The following FRAS1 variants were observed in gnomAD, a reference collection of about 807,000 sequenced individuals.
FRAS1 encodes Fraser extracellular matrix complex subunit 1, also known as extracellular matrix organizing protein FRAS1.
Under a neutral mutation model 435.2 loss-of-function variants are expected in FRAS1, and 290 were observed. The ratio of observed to expected loss-of-function variants is 0.67; its 90% CI spans 0.61 to 0.73. The LOEUF (loss-of-function observed/expected upper bound fraction) is 0.73, where lower values mean the gene tolerates loss of function less well. FRAS1 is among the 30% of genes least tolerant of loss of function. The probability of loss-of-function intolerance (pLI) is 0.00; values close to 1 mark genes in which losing one functional copy is unlikely to be tolerated. For synonymous variants in FRAS1, 1,800 were observed against 1,851.0 expected (o/e 0.97, Z 0.71); for missense variants, 4,860 against 5,001.5 (o/e 0.97, Z 0.85).
At chr4:78,195,573 G>A (rs568212511) in intron 2 of FRAS1, among the ~76,000 whole-genome samples, 2 of 151,486 alleles carry the variant, frequency 1.3e-5, no homozygotes, top group East Asian at 1.9e-4. Context: ...CTTCGAGCCA[G>A]GCGTGGGATA....
chr4:78,434,967 C>T (rs4975116), intron 38 of FRAS1, among the ~76,000 whole-genome samples: 45,105 of 149,806 alleles, frequency 0.3, 7,073 homozygotes, highest in Non-Finnish European at 0.36. Flanking sequence ...CCTTACCAAA[C>T]GATCTTTCAA....
intron 2 of FRAS1, among the ~76,000 whole-genome samples, chr4:78,183,899 G>A (rs1415719555): frequency 1.3e-5 from 2 of 152,086 alleles, no homozygotes; most frequent in Non-Finnish European, 2.9e-5. Context: ...AGGACAAAGA[G>A]ATAGTGTTGG....
Position 78,429,213 on chromosome 4 carries a change from C to T in FRAS1, c.4830C>T (p.Gly1610=). The change falls in exon 36 of 74, where the codon GGC becomes GGT. Residue 1610 remains glycine, a synonymous_variant. Coordinates refer to ENST00000512123, the MANE Select transcript of FRAS1 (RefSeq NM_025074.7). Reference sequence around the variant, plus strand: ...CACGGCTGGCGGTCAGCCCAGGAGGCAGCACTTCTGTAGGTAAGAACTGGG... The same window carrying T: ...CACGGCTGGCGGTCAGCCCAGGAGGTAGCACTTCTGTAGGTAAGAACTGGG... ...TAPRLAVSPG[G]STSVGLQVVV... The T allele has an allele frequency of 5.0e-6, 8 of 1,607,180 alleles. No individual in the cohort carries two copies. The highest frequency in any genetic ancestry group is 6.8e-6 in the Non-Finnish European group (8 of 1,177,110).
chr4:78,395,783 A>G (rs146183948), intron 29 of FRAS1, among the ~76,000 whole-genome samples: 1,671 of 152,196 alleles, frequency 0.011, 14 homozygotes, highest in Middle Eastern at 0.017. Flanking sequence ...GGCAGTTTAT[A>G]GTTGGATCAT....
At chr4:78,453,108 T>A (rs1334290718) in intron 47 of FRAS1, among the ~76,000 whole-genome samples, 11 of 152,186 alleles carry the variant, frequency 7.2e-5, no homozygotes, top group Non-Finnish European at 1.5e-4. Flanking sequence ...CATGGATAGA[T>A]TGAGAGTTTG....
intron 14 of FRAS1, among the ~76,000 whole-genome samples, chr4:78,296,960 A>C (rs1044704663): frequency 6.6e-6 from 1 of 152,214 alleles, no homozygotes; most frequent in Admixed American, 6.5e-5. Flanking sequence ...CAAATTAGGA[A>C]ACCAAGGAAC....
At chr4:78,539,492 TGAA>T in intron 73 of FRAS1, 52 bp downstream of exon 73, 3 of 1,305,382 alleles carry the variant, frequency 2.3e-6, no homozygotes, top group Admixed American at 2.9e-5. Context: ...CTTTAAAGCT[TGAA>T]AAAAAAAAAA....
At chr4:78,155,977 G>A (rs374330984) in intron 2 of FRAS1, among the ~76,000 whole-genome samples, 14 of 152,038 alleles carry the variant, frequency 9.2e-5, no homozygotes, top group African/African-American at 2.7e-4. Context: ...CACAAAAACC[G>A]CAAACAACAT....
chr4:78,134,769 C>T (rs1560542821), intron 2 of FRAS1, among the ~76,000 whole-genome samples: 1 of 152,060 alleles, frequency 6.6e-6, no homozygotes, highest in Non-Finnish European at 1.5e-5. Context: ...TGCATTATCT[C>T]ATTTAATTTT....
chr4:78,329,349 A>AT (rs1257651620), intron 18 of FRAS1, among the ~76,000 whole-genome samples: 1 of 152,196 alleles, frequency 6.6e-6, no homozygotes, highest in Non-Finnish European at 1.5e-5. Context: ...CTCCCCCTCA[A>AT]TGCATTTAAT....
intron 2 of FRAS1, among the ~76,000 whole-genome samples, chr4:78,198,979 G>T (rs1341456045): frequency 1.3e-5 from 2 of 152,170 alleles, no homozygotes; most frequent in African/African-American, 4.8e-5. Context: ...TAGGCAATTA[G>T]TAGTTATAGT....
At chr4:78,126,815 C>A (rs1719384032) in intron 2 of FRAS1, among the ~76,000 whole-genome samples, 1 of 152,106 alleles carries the variant, frequency 6.6e-6, no homozygotes, top group Non-Finnish European at 1.5e-5. Flanking sequence ...TACCATTAAC[C>A]AACTTTGTGT....
intron 1 of FRAS1, among the ~76,000 whole-genome samples, chr4:78,059,091 C>A (rs1230289118): frequency 6.6e-6 from 1 of 152,202 alleles, no homozygotes; most frequent in Non-Finnish European, 1.5e-5. Flanking sequence ...ACCTGCCCAG[C>A]CGCAAACCAG....
At position 78,061,421 on chromosome 4, in the gene FRAS1, T is replaced by C. The variant is rs1477721696; in HGVS notation, c.76+3336T>C. ...GTTACAGTAGATAAGACAGTTGCCT[T>C]GGGATAGGGAAACATCATTGAATTG... On this transcript the variant is annotated intron_variant, in intron 1 of 73. Coordinates refer to ENST00000512123, the MANE Select transcript of FRAS1 (RefSeq NM_025074.7). Among the ~76,000 whole-genome samples, 3 of 152,180 alleles carry C rather than the reference T, an allele frequency of 2.0e-5. No homozygotes were observed. In the East Asian group the frequency reaches 5.8e-4, roughly 29 times the overall value.
Position 78,093,354 on chromosome 4 carries a change from T to C in FRAS1, c.108+27338T>C, listed in dbSNP as rs959811077. Among the ~76,000 whole-genome samples the C allele has an allele frequency of 4.1e-4, 62 of 152,218 alleles. 1 individual carries two copies. On this transcript the variant is annotated intron_variant, in intron 2 of 73. Transcript: ENST00000512123. ...TTAACCAGGGCTTCTAGAGCTAAGA[T>C]AGAAAGTGCTAAGTATAAATTGAAG...
At chr4:78,285,720 C>T (rs72864571) in intron 13 of FRAS1, among the ~76,000 whole-genome samples, 2,817 of 152,250 alleles carry the variant, frequency 0.019, 56 homozygotes, top group African/African-American at 0.05. Context: ...GTGTGAGCCA[C>T]TGCCACCTGG....
intron 70 of FRAS1, among the ~76,000 whole-genome samples, chr4:78,533,957 G>A (rs1189760394): frequency 6.6e-6 from 1 of 152,188 alleles, no homozygotes; most frequent in Non-Finnish European, 1.5e-5. Context: ...GCCAGAAGGA[G>A]ACACGGAAGG....
At chr4:78,233,460 T>C (rs992695007) in intron 2 of FRAS1, among the ~76,000 whole-genome samples, 13 of 152,334 alleles carry the variant, frequency 8.5e-5, no homozygotes, top group African/African-American at 3.1e-4. Context: ...TAGACTGGAA[T>C]GAGAAGATGG....
intron 66 of FRAS1, among the ~76,000 whole-genome samples, chr4:78,518,909 CT>C (rs962862320): frequency 1.2e-4 from 18 of 152,294 alleles, no homozygotes; most frequent in Admixed American, 1.2e-3. Flanking sequence ...TGATGGTTGA[CT>C]TGGGCTCTCC....
Sources: allele counts gnomAD v4.1 joint callset (sites outside exome capture counted in the v4.1 genomes callset), GRCh38; gene constraint gnomAD v4.1.1; transcripts MANE v1.5; gene names NCBI Gene and HGNC (gene_info 2026-07-23, HGNC 2026-07-21).